Variants in TENT2 observed in about 807,000 individuals in gnomAD.
TENT2 encodes the protein terminal nucleotidyltransferase 2, also known as poly(A) RNA polymerase GLD2.
TENT2 carries 44 observed loss-of-function variants against 72.2 expected under a neutral mutation model. The observed-to-expected ratio is 0.61, with a 90% CI of 0.48 to 0.78. TENT2 has a LOEUF of 0.78. TENT2 is among the 30% of genes least tolerant of loss of function. The probability of loss-of-function intolerance (pLI) is 0.00; values close to 1 mark genes in which losing one functional copy is unlikely to be tolerated. For synonymous variants in TENT2, 212 were observed against 192.5 expected (o/e 1.10, Z -0.84); for missense variants, 541 against 569.6 (o/e 0.95, Z 0.51).
At chr5:79,626,277 C>A (rs1365908083) in intron 4 of TENT2, among the ~76,000 whole-genome samples, 2 of 148,706 alleles carry the variant, frequency 1.3e-5, no homozygotes, top group Non-Finnish European at 3.0e-5. Context: ...CTGGGACTAT[C>A]GATAGGTGTG....
chr5:79,629,695 C>T (rs1229863879), intron 4 of TENT2, among the ~76,000 whole-genome samples: 4 of 151,724 alleles, frequency 2.6e-5, no homozygotes, highest in Non-Finnish European at 5.9e-5. Flanking sequence ...GGCGTGGTGG[C>T]GGGTGCCTGT....
intron 4 of TENT2, among the ~76,000 whole-genome samples, chr5:79,635,891 AC>A (rs1177294307): frequency 3.9e-5 from 6 of 152,154 alleles, no homozygotes; most frequent in Admixed American, 6.5e-5. Flanking sequence ...AATACTGAGT[AC>A]CTACGGTGAA....
At chr5:79,649,554 G>A (rs1311519265) in intron 10 of TENT2, among the ~76,000 whole-genome samples, 3 of 152,000 alleles carry the variant, frequency 2.0e-5, no homozygotes, top group African/African-American at 7.2e-5. Flanking sequence ...TTTGAGACAG[G>A]AATTAAATTA....
intron 8 of TENT2, among the ~76,000 whole-genome samples, chr5:79,648,161 G>A (rs1174413640): frequency 1.3e-5 from 2 of 151,832 alleles, no homozygotes; most frequent in African/African-American, 2.4e-5. Flanking sequence ...AAAAATTTTC[G>A]GCTGGATATG....
chr5:79,637,085 T>A (rs1247003943), intron 4 of TENT2, among the ~76,000 whole-genome samples: 1 of 151,998 alleles, frequency 6.6e-6, no homozygotes, highest in Non-Finnish European at 1.5e-5. Flanking sequence ...GAAAAAAAAA[T>A]TAACCAGATG....
At chr5:79,642,769 T>C (rs1036773587) in intron 6 of TENT2, 63 bp from the exon 7 acceptor site, 73 of 1,316,804 alleles carry the variant, frequency 5.5e-5, no homozygotes, top group Admixed American at 4.6e-4. Context: ...TGAGATACTT[T>C]AGGAAAATGA....
At chr5:79,616,567 C>T (rs973064864) in intron 1 of TENT2, among the ~76,000 whole-genome samples, 1 of 152,168 alleles carries the variant, frequency 6.6e-6, no homozygotes, top group African/African-American at 2.4e-5. Flanking sequence ...ATCTGCCTGC[C>T]TCAGCCTCCC....
rs1826580625 is a variant in TENT2, at chr5:79,688,013, C to T, written c.*2740C>T. On this transcript the variant is annotated 3_prime_UTR_variant, in exon 15 of 15. Transcript: ENST00000453514. ...GTTAAGAGAATAAATATTGCTGATG[C>T]TAAACCTGGTTTAGTGAGCTGTGGA... is the stretch of plus-strand genomic sequence containing the variant. Among the ~76,000 whole-genome samples the T allele has an allele frequency of 6.6e-6, 1 of 152,134 alleles. No individual in the cohort carries two copies. Among genetic ancestry groups the T allele is most frequent in the Non-Finnish European group, 1.5e-5 (1 of 68,024 alleles).
chr5:79,651,862 T>C (rs1242393970), intron 10 of TENT2, among the ~76,000 whole-genome samples: 1 of 152,096 alleles, frequency 6.6e-6, no homozygotes, highest in Non-Finnish European at 1.5e-5. Flanking sequence ...CAAAGTTTTA[T>C]GGTATACTCC....
In TENT2 at chr5:79,648,838, C is replaced by A. The variant is rs530315521; in HGVS notation, c.898+145C>A. On this transcript the variant is annotated intron_variant, in intron 9 of 14. Coordinates refer to ENST00000453514, the MANE Select transcript of TENT2 (RefSeq NM_001114394.3). The stretch of plus-strand genomic sequence containing the variant: ...TTTGTATATGTTGCTACACTAAAAT[C>A]ATATACTGTCAGTTATAGGTGAATC... 5.1e-6 allele frequency: 4 copies of A among 787,590 alleles called. No homozygotes were observed. In the African/African-American group the frequency reaches 5.3e-5, roughly 10 times the overall value. 48.8% of individuals were successfully genotyped at this position (787,590 alleles called of 1,614,324 possible). A position where few individuals can be genotyped will look rare whatever the true frequency, so the allele number is the denominator to read the frequency against.
At chr5:79,672,072 C>T (rs912765600) in intron 12 of TENT2, among the ~76,000 whole-genome samples, 1 of 150,564 alleles carries the variant, frequency 6.6e-6, no homozygotes, top group Admixed American at 6.6e-5. Flanking sequence ...CACTGCACTC[C>T]AGCCTGGACA....
intron 10 of TENT2, among the ~76,000 whole-genome samples, chr5:79,651,640 C>T (rs1212282288): frequency 6.6e-6 from 1 of 151,940 alleles, no homozygotes; most frequent in African/African-American, 2.4e-5. Flanking sequence ...GTAACCTTTC[C>T]TCTATGGTGG....
intron 4 of TENT2, among the ~76,000 whole-genome samples, chr5:79,626,018 G>A (rs1184309101): frequency 1.3e-5 from 2 of 151,732 alleles, no homozygotes; most frequent in Non-Finnish European, 2.9e-5. Flanking sequence ...TAATAGAGAC[G>A]GGGTTTCACC....
chr5:79,639,107 TAGAG>T (rs1440213648), intron 4 of TENT2, among the ~76,000 whole-genome samples: 1 of 151,610 alleles, frequency 6.6e-6, no homozygotes, highest in East Asian at 1.9e-4. Flanking sequence ...AAATTATTGG[TAGAG>T]AGATTAGCTT....
rs1826317774 is a variant in TENT2 at position 79,687,229 on chromosome 5, T to C, written c.*1956T>C. 6.6e-6 allele frequency among the ~76,000 whole-genome samples: 1 copy of C among 152,214 alleles called. No homozygotes were observed. The highest frequency in any genetic ancestry group is 2.4e-5 in the African/African-American group (1 of 41,470). On this transcript the variant is annotated 3_prime_UTR_variant, in exon 15 of 15. Transcript: ENST00000453514. Reference sequence around the variant, plus strand: ...ACTGAGGCCTGAAATTATGCACACATAACTGGCCAAATATCAGATAAGTGA... The same window carrying C: ...ACTGAGGCCTGAAATTATGCACACACAACTGGCCAAATATCAGATAAGTGA...
rs542200274 is a variant in TENT2, at chr5:79,685,558, TAAAA to T, written c.*287_*290del. On this transcript the variant is annotated 3_prime_UTR_variant, in exon 15 of 15. Coordinates refer to ENST00000453514, the MANE Select transcript of TENT2 (RefSeq NM_001114394.3). ...TATTTTGGGAAATTAACTGAACAAATAAAAAGTTTTTGATATAACTTCAATTAAT... is the reference window on the plus strand; with the variant it reads ...TATTTTGGGAAATTAACTGAACAAATAGTTTTTGATATAACTTCAATTAAT... 6.5e-3 allele frequency: 1,517 copies of T among 232,508 alleles called. 11 individuals carry two copies. The highest frequency in any genetic ancestry group is 9.3e-3 in the Non-Finnish European group (1,128 of 121,552). 14.4% of individuals were successfully genotyped at this position (232,508 alleles called of 1,614,324 possible).
intron 6 of TENT2, among the ~76,000 whole-genome samples, chr5:79,642,205 C>T (rs990014295): frequency 7.2e-5 from 11 of 151,728 alleles, no homozygotes; most frequent in South Asian, 2.1e-4. Flanking sequence ...ATTCCACTAG[C>T]GAAAATGACT....
intron 4 of TENT2, among the ~76,000 whole-genome samples, chr5:79,627,003 G>A (rs1306752921): frequency 5.3e-5 from 8 of 151,760 alleles, no homozygotes; most frequent in Non-Finnish European, 7.4e-5. Context: ...GGTGGCAGGC[G>A]CCTATAGTCC....
intron 10 of TENT2, among the ~76,000 whole-genome samples, chr5:79,655,891 C>T (rs6876607): frequency 0.44 from 66,664 of 151,566 alleles, 17,800 homozygotes; most frequent in African/African-American, 0.75. Context: ...CTTTGTACTG[C>T]GTGGTAAAAA....
Sources: allele counts gnomAD v4.1 joint callset (sites outside exome capture counted in the v4.1 genomes callset), GRCh38; gene constraint gnomAD v4.1.1; transcripts MANE v1.5; gene names NCBI Gene and HGNC (gene_info 2026-07-23, HGNC 2026-07-21).